Variants in NCOR1 observed in about 807,000 individuals in gnomAD.
The protein encoded by NCOR1 is protein phosphatase 1, regulatory subunit 109.
Under a neutral mutation model 288.1 loss-of-function variants are expected in NCOR1, and 63 were observed. That is an observed-to-expected ratio of 0.22 (90% CI 0.18 to 0.27). NCOR1 has a LOEUF of 0.27. Among genes scored for constraint, NCOR1 ranks in the 10% least tolerant of loss-of-function variants. The pLI is 1.00. For missense variants in NCOR1, 2,397 were observed against 3,019.2 expected, an observed-to-expected ratio of 0.79 and a Z score of 4.83; for synonymous variants, 1,007 against 1,065.9, an observed-to-expected ratio of 0.94 and a Z score of 1.08.
intron 3 of NCOR1, among the ~76,000 whole-genome samples, chr17:16,181,493 T>C (rs1016182135): frequency 6.6e-5 from 10 of 151,450 alleles, no homozygotes; most frequent in Admixed American, 5.9e-4. Flanking sequence ...GGATACAAAA[T>C]AGCAGATGTG....
intron 3 of NCOR1, among the ~76,000 whole-genome samples, chr17:16,185,446 G>A (rs2086445219): frequency 6.6e-6 from 1 of 151,776 alleles, no homozygotes; most frequent in Non-Finnish European, 1.5e-5. Flanking sequence ...CACTTTGAGA[G>A]GCCAAAGCGG....
chr17:16,036,753 G>C (rs1321833628), intron 44 of NCOR1, among the ~76,000 whole-genome samples: 1 of 152,158 alleles, frequency 6.6e-6, no homozygotes, highest in African/African-American at 2.4e-5. Context: ...GCTTGGATTA[G>C]GATTAGGTTT....
At chr17:16,104,100 C>T (rs771232796) in intron 19 of NCOR1, among the ~76,000 whole-genome samples, 7 of 152,090 alleles carry the variant, frequency 4.6e-5, no homozygotes, top group Non-Finnish European at 8.8e-5. Flanking sequence ...TACAATCTTA[C>T]ATTTATTTAC....
chr17:16,125,064 A>G (rs2073769858), intron 15 of NCOR1, among the ~76,000 whole-genome samples: 1 of 152,226 alleles, frequency 6.6e-6, no homozygotes, highest in Admixed American at 6.5e-5. Flanking sequence ...TGTAACTATT[A>G]GATGTTTCTA....
In NCOR1 at chr17:16,031,757, T is replaced by G. The variant is rs1190297994; in HGVS notation, c.*539A>C. ...TTAAACATCACTGGAAAGCTGAATTTAGAGGAAACAATATCAGATAAAAGT... is the reference window on the plus strand; with the variant it reads ...TTAAACATCACTGGAAAGCTGAATTGAGAGGAAACAATATCAGATAAAAGT... On this transcript the variant is annotated 3_prime_UTR_variant, in exon 46 of 46. Transcript: ENST00000268712. 3 of 230,268 alleles carry G rather than the reference T, an allele frequency of 1.3e-5. No homozygotes were observed. Among genetic ancestry groups the G allele is most frequent in the Non-Finnish European group, 1.7e-5 (2 of 116,340 alleles). The allele number at this position is 230,268 out of a possible 1,614,324, so 14.3% of individuals were successfully genotyped here. A position where few individuals can be genotyped will look rare whatever the true frequency, so the allele number is the denominator to read the frequency against.
chr17:16,211,154 A>G (rs2092091312), intron 1 of NCOR1, among the ~76,000 whole-genome samples: 2 of 152,354 alleles, frequency 1.3e-5, no homozygotes, highest in South Asian at 4.1e-4. Context: ...CAACTTAGGC[A>G]GGTAAATCAC....
intron 14 of NCOR1, among the ~76,000 whole-genome samples, chr17:16,130,429 C>T (rs1435878937): frequency 6.6e-6 from 1 of 151,888 alleles, no homozygotes; most frequent in Admixed American, 6.6e-5. Flanking sequence ...AAAAGAAACC[C>T]TTCTAAAAGT....
chr17:16,087,104 T>A, intron 22 of NCOR1: 2 of 1,195,960 alleles, frequency 1.7e-6, no homozygotes, highest in Admixed American at 5.0e-5. Context: ...TTCACGAGAT[T>A]AAACCACCCA....
intron 1 of NCOR1, among the ~76,000 whole-genome samples, chr17:16,213,712 C>A (rs1390413683): frequency 6.6e-6 from 1 of 152,086 alleles, no homozygotes; most frequent in African/African-American, 2.4e-5. Context: ...CCTTTAGGCT[C>A]ACAACAGCCA....
chr17:16,209,886 G>C (rs1488166059), intron 1 of NCOR1, among the ~76,000 whole-genome samples: 1 of 151,778 alleles, frequency 6.6e-6, no homozygotes, highest in African/African-American at 2.4e-5. Flanking sequence ...GAGAAGTGGA[G>C]GTTGCAGTGA....
intron 40 of NCOR1, among the ~76,000 whole-genome samples, chr17:16,050,112 A>C (rs1425140544): frequency 6.6e-6 from 1 of 151,978 alleles, no homozygotes; most frequent in Non-Finnish European, 1.5e-5. Context: ...TTTTTTGTAG[A>C]GACAGGGGTC....
chr17:16,204,814 A>T (rs1309815852), intron 1 of NCOR1, among the ~76,000 whole-genome samples: 2 of 152,276 alleles, frequency 1.3e-5, no homozygotes, highest in Admixed American at 1.3e-4. Context: ...TAAGGTGTAC[A>T]GAGATTAAAT....
chr17:16,121,104 GGCTGCAGCACTGGCAGCTGCA>G lies in NCOR1; in HGVS notation c.1779_1799del (p.Ser597_Ala603del). On this transcript the variant is annotated inframe_deletion, in exon 16 of 46. Transcript: ENST00000268712. ...GTGGGGGCTCTTCAGTAGCCGCTGC[GGCTGCAGCACTGGCAGCTGCA>G]GCTTCGTTTGTCATGGACCTGGTGA... 2 of 1,614,050 alleles carry G rather than the reference GGCTGCAGCACTGGCAGCTGCA, an allele frequency of 1.2e-6. No homozygotes were observed. The highest frequency in any genetic ancestry group is 1.7e-6 in the Non-Finnish European group (2 of 1,179,982).
chr17:16,087,030 G>T, intron 22 of NCOR1: 1 of 533,848 alleles, frequency 1.9e-6, no homozygotes, highest in Non-Finnish European at 2.9e-6. Flanking sequence ...TACAACTGAT[G>T]ATGGAACGCA....
chr17:16,200,329 A>C, intron 1 of NCOR1, among the ~76,000 whole-genome samples: 1 of 150,928 alleles, frequency 6.6e-6, no homozygotes, highest in Non-Finnish European at 1.5e-5. Flanking sequence ...CTACTAAAAC[A>C]CACCCACAAA....
rs188680924 is a variant in NCOR1 at position 16,094,456 on chromosome 17, T to C, written c.2821-2398A>G. On this transcript the variant is annotated intron_variant, in intron 21 of 45. Transcript: ENST00000268712. ...AAAGCAAGAGCTTTAAATATTTGAA[T>C]AAATAGAAAATAACTAAAGAAAAGA... Among the ~76,000 whole-genome samples, 86 of 152,310 alleles carry C rather than the reference T, an allele frequency of 5.6e-4. No homozygotes were observed. The East Asian group carries it at 0.016, about 29-fold the overall frequency.
intron 19 of NCOR1, among the ~76,000 whole-genome samples, chr17:16,105,925 C>A (rs2068535085): frequency 6.6e-6 from 1 of 152,106 alleles, no homozygotes; most frequent in Non-Finnish European, 1.5e-5. Context: ...CGTAGCGAAA[C>A]CCCATCTCTA....
chr17:16,048,797 T>C, intron 41 of NCOR1, 48 bp downstream of exon 41: 1 of 1,511,080 alleles, frequency 6.6e-7, no homozygotes. Flanking sequence ...TGTTAAAGCA[T>C]GAGCACCCAC....
intron 1 of NCOR1, among the ~76,000 whole-genome samples, chr17:16,199,348 C>G (rs965352900): frequency 6.6e-6 from 1 of 152,104 alleles, no homozygotes; most frequent in Non-Finnish European, 1.5e-5. Flanking sequence ...ACGACAACCT[C>G]CTTCCTCAAA....
Sources: allele counts gnomAD v4.1 joint callset (sites outside exome capture counted in the v4.1 genomes callset), GRCh38; gene constraint gnomAD v4.1.1; transcripts MANE v1.5; gene names NCBI Gene and HGNC (gene_info 2026-07-23, HGNC 2026-07-21).